NXN: variants seen among roughly 807,000 people sequenced by gnomAD.
NXN encodes nucleoredoxin.
Under a neutral mutation model 48.6 loss-of-function variants are expected in NXN, and 16 were observed. The ratio of observed to expected loss-of-function variants is 0.33; its 90% confidence interval spans 0.22 to 0.50. The LOEUF is 0.50. NXN is among the 20% of genes least tolerant of loss of function. NXN has a pLI of 0.98. For missense variants in NXN, 492 were observed against 605.5 expected, an observed-to-expected ratio of 0.81 and a Z score of 1.97; for synonymous variants, 281 against 269.6, an observed-to-expected ratio of 1.04 and a Z score of -0.41.
intron 1 of NXN, among the ~76,000 whole-genome samples, chr17:974,364 GAT>G (rs142776512): frequency 2.7e-5 from 4 of 150,754 alleles, no homozygotes; most frequent in Admixed American, 6.6e-5. Flanking sequence ...AAAGTATATA[GAT>G]ATATATATAT....
At chr17:890,659 G>C (rs141657069) in intron 1 of NXN, among the ~76,000 whole-genome samples, 330 of 152,190 alleles carry the variant, frequency 2.2e-3, no homozygotes, top group African/African-American at 7.6e-3. Flanking sequence ...GGGATTACAG[G>C]CATGAGCCAC....
At chr17:915,240 G>A (rs553819249) in intron 1 of NXN, among the ~76,000 whole-genome samples, 1 of 151,908 alleles carries the variant, frequency 6.6e-6, no homozygotes. Context: ...GGCCAGTTGA[G>A]GATTTTATAG....
intron 5 of NXN, among the ~76,000 whole-genome samples, chr17:816,837 G>A (rs1912495417): frequency 6.6e-6 from 1 of 152,082 alleles, no homozygotes; most frequent in South Asian, 2.1e-4. Flanking sequence ...TGGTAATTCA[G>A]CCAGCTATTC....
chr17:828,350 CACCTCG>C (rs1167389409), intron 1 of NXN, among the ~76,000 whole-genome samples: 1 of 149,986 alleles, frequency 6.7e-6, no homozygotes. Flanking sequence ...GTGATCCACC[CACCTCG>C]GCCTCACAAA....
intron 5 of NXN, among the ~76,000 whole-genome samples, chr17:810,706 A>C (rs1238627168): frequency 6.6e-6 from 1 of 152,172 alleles, no homozygotes. Context: ...CCTGACCAAC[A>C]TGGTGAAACC....
At chr17:866,121 C>T (rs941301560) in intron 1 of NXN, among the ~76,000 whole-genome samples, 1 of 152,082 alleles carries the variant, frequency 6.6e-6, no homozygotes, top group Non-Finnish European at 1.5e-5. Context: ...CAATAGAATA[C>T]AATGCTGTTA....
chr17:927,744 C>A (rs2068815720), intron 1 of NXN, among the ~76,000 whole-genome samples: 1 of 152,066 alleles, frequency 6.6e-6, no homozygotes, highest in East Asian at 1.9e-4. Context: ...ACCAGCCAGA[C>A]AGCACTGGCT....
intron 1 of NXN, among the ~76,000 whole-genome samples, chr17:923,073 G>A (rs2068764695): frequency 6.6e-6 from 1 of 152,038 alleles, no homozygotes; most frequent in African/African-American, 2.4e-5. Flanking sequence ...AGTTCTCCCG[G>A]ACTCTGTCTC....
chr17:911,713 G>A (rs368658596), intron 1 of NXN, among the ~76,000 whole-genome samples: 5 of 151,082 alleles, frequency 3.3e-5, no homozygotes, highest in South Asian at 4.2e-4. Context: ...TGATCTGCCC[G>A]CCTCAGCCTC....
intron 5 of NXN, among the ~76,000 whole-genome samples, chr17:811,760 T>A (rs953255868): frequency 1.3e-5 from 2 of 151,756 alleles, no homozygotes; most frequent in Non-Finnish European, 2.9e-5. Flanking sequence ...GATGGACAGC[T>A]CAAGGGCACA....
chr17:905,712 C>G (rs767010756), intron 1 of NXN, among the ~76,000 whole-genome samples: 11 of 152,120 alleles, frequency 7.2e-5, no homozygotes, highest in Admixed American at 2.0e-4. Context: ...CATGGTGGCT[C>G]ACACTTGTAA....
At chr17:823,902 T>C (rs1912953215) in intron 2 of NXN, 137 bp from the exon 3 acceptor site, 3 of 750,668 alleles carry the variant, frequency 4.0e-6, no homozygotes, top group Middle Eastern at 5.0e-4. Flanking sequence ...CGTGACAAGA[T>C]AATCATCAAA....
chr17:920,208 G>A lies in NXN; in HGVS notation c.360+59111C>T, dbSNP rs894107630. 2.6e-5 allele frequency among the ~76,000 whole-genome samples: 4 copies of A among 152,022 alleles called. No individual in the cohort carries two copies. The highest frequency in any genetic ancestry group is 6.6e-5 in the Admixed American group (1 of 15,236). On this transcript the variant is annotated intron_variant, in intron 1 of 7. Transcript: ENST00000336868. The surrounding 1 kb of genome is among the most constrained non-coding windows in gnomAD (Gnocchi z 4.6). ...AGCCATCACGCCCAGTCTACACCCC[G>A]AAATCCAACATTACAAACTTATCAA...
At chr17:878,797 T>C (rs2068249904) in intron 1 of NXN, among the ~76,000 whole-genome samples, 1 of 152,092 alleles carries the variant, frequency 6.6e-6, no homozygotes, top group African/African-American at 2.4e-5. Context: ...ACCCTATTCA[T>C]AACCAGAGCC....
At chr17:892,408 CACTT>C (rs1412707256) in intron 1 of NXN, among the ~76,000 whole-genome samples, 1 of 152,176 alleles carries the variant, frequency 6.6e-6, no homozygotes, top group Non-Finnish European at 1.5e-5. Flanking sequence ...TGCTGCCTCT[CACTT>C]ACAGCTGACC....
intron 1 of NXN, among the ~76,000 whole-genome samples, chr17:955,099 T>C (rs1171539343): frequency 6.6e-6 from 1 of 151,754 alleles, no homozygotes; most frequent in Non-Finnish European, 1.5e-5. Context: ...CTGGGATATG[T>C]AAACTCACAC....
intron 1 of NXN, among the ~76,000 whole-genome samples, chr17:834,100 G>A (rs753544322): frequency 4.6e-5 from 7 of 152,232 alleles, no homozygotes; most frequent in East Asian, 3.9e-4. Context: ...CGGGTGGATC[G>A]CTTGAGCCCA....
chr17:833,895 GA>G (rs1024869918), intron 1 of NXN, among the ~76,000 whole-genome samples: 1 of 151,352 alleles, frequency 6.6e-6, no homozygotes, highest in East Asian at 1.9e-4. Flanking sequence ...GATTAAAAAA[GA>G]AAAAAAAATC....
At chr17:913,985 C>T (rs574718466) in intron 1 of NXN, among the ~76,000 whole-genome samples, 45 of 152,296 alleles carry the variant, frequency 3.0e-4, no homozygotes, top group Middle Eastern at 3.4e-3. Flanking sequence ...CTGCAACCTC[C>T]GGCTCCTGAG....
Sources: allele counts gnomAD v4.1 joint callset (sites outside exome capture counted in the v4.1 genomes callset), GRCh38; gene constraint gnomAD v4.1.1; non-coding constraint Gnocchi (gnomAD v3.1); transcripts MANE v1.5; gene names NCBI Gene and HGNC (gene_info 2026-07-23, HGNC 2026-07-21).